The following RAB38 variants were observed in gnomAD, a reference collection of about 807,000 sequenced individuals.
RAB38 encodes the protein ras-related protein Rab-38.
Under a neutral mutation model 18.4 loss-of-function variants are expected in RAB38, and 15 were observed. The ratio of observed to expected loss-of-function variants is 0.82; its 90% CI spans 0.55 to 1.26. The LOEUF (loss-of-function observed/expected upper bound fraction) is 1.26, where lower values mean the gene tolerates loss of function less well. RAB38 is among the 50% of genes most tolerant of loss of function. The pLI, the probability that RAB38 is intolerant of heterozygous loss-of-function variation, is 0.00. For missense variants in RAB38, 294 were observed against 267.4 expected (o/e 1.10, Z -0.69); for synonymous variants, 101 against 104.4 (o/e 0.97, Z 0.20).
At chr11:88,060,920 A>C in the RAB38 span, among the ~76,000 whole-genome samples, 1 of 152,254 alleles carries the variant, frequency 6.6e-6, no homozygotes, top group Non-Finnish European at 1.5e-5. Flanking sequence ...GGATGCAAAC[A>C]TATATAAAAC....
chr11:88,103,815 C>T, the RAB38 span, among the ~76,000 whole-genome samples: 1 of 152,082 alleles, frequency 6.6e-6, no homozygotes, highest in Non-Finnish European at 1.5e-5. Context: ...GTAGAGGGTG[C>T]TAGTGAGATC....
the RAB38 span, among the ~76,000 whole-genome samples, chr11:87,810,665 T>C: frequency 6.6e-6 from 1 of 152,168 alleles, no homozygotes; most frequent in Admixed American, 6.5e-5. Flanking sequence ...TTACATTCTT[T>C]CCACTGTGGT....
the RAB38 span, among the ~76,000 whole-genome samples, chr11:87,894,074 A>T: frequency 2.0e-5 from 3 of 151,610 alleles, no homozygotes; most frequent in Admixed American, 2.0e-4. Context: ...ATTTATTTCT[A>T]TCTTATTTGA....
chr11:87,967,310 ATAAAT>A, the RAB38 span, among the ~76,000 whole-genome samples: 1 of 152,204 alleles, frequency 6.6e-6, no homozygotes, highest in East Asian at 1.9e-4. Flanking sequence ...AAACAGCTGA[ATAAAT>A]TTGAGTGGAA....
the RAB38 span, among the ~76,000 whole-genome samples, chr11:87,845,948 G>A: frequency 6.6e-6 from 1 of 152,044 alleles, no homozygotes; most frequent in East Asian, 1.9e-4. Context: ...CAGTATTGAA[G>A]GTGAGATAAA....
chr11:88,085,283 C>T, the RAB38 span, among the ~76,000 whole-genome samples: 2 of 151,836 alleles, frequency 1.3e-5, no homozygotes, highest in African/African-American at 4.8e-5. Flanking sequence ...AACTGACAGC[C>T]ATAAGGCAAG....
the RAB38 span, among the ~76,000 whole-genome samples, chr11:88,103,131 G>A: frequency 2.6e-5 from 4 of 151,948 alleles, no homozygotes; most frequent in Admixed American, 6.6e-5. Flanking sequence ...AGTATGTAGT[G>A]GCTCTGTTGT....
At chr11:88,147,293 T>C (rs535705230) in intron 2 of RAB38, among the ~76,000 whole-genome samples, 18 of 152,282 alleles carry the variant, frequency 1.2e-4, no homozygotes, top group Admixed American at 9.8e-4. Flanking sequence ...ATAATATTTA[T>C]TGACTGAATG....
At chr11:87,953,473 T>TA in the RAB38 span, among the ~76,000 whole-genome samples, 14 of 152,318 alleles carry the variant, frequency 9.2e-5, no homozygotes, top group South Asian at 1.4e-3. Flanking sequence ...AACTGTGGTC[T>TA]GAAAATAGGT....
At chr11:87,910,563 G>A in the RAB38 span, among the ~76,000 whole-genome samples, 1 of 145,988 alleles carries the variant, frequency 6.8e-6, no homozygotes, top group African/African-American at 2.6e-5. Flanking sequence ...TTTGTCCTAT[G>A]TTTACGTCTA....
At chr11:87,893,390 A>ATATTTTTTT in the RAB38 span, among the ~76,000 whole-genome samples, 1 of 93,916 alleles carries the variant, frequency 1.1e-5, no homozygotes, top group South Asian at 4.0e-4. Context: ...ATATATATAT[A>ATATTTTTTT]TTTTTTTTTT....
chr11:87,971,997 A>C, the RAB38 span, among the ~76,000 whole-genome samples: 2 of 151,840 alleles, frequency 1.3e-5, no homozygotes, highest in African/African-American at 4.8e-5. Flanking sequence ...TGGTAGATGG[A>C]GTGTAGACAC....
the RAB38 span, among the ~76,000 whole-genome samples, chr11:87,888,504 C>T: frequency 6.6e-6 from 1 of 151,916 alleles, no homozygotes; most frequent in Non-Finnish European, 1.5e-5. Flanking sequence ...CCTCAGTTCT[C>T]TCATTCTAGG....
At chr11:88,031,927 T>A in the RAB38 span, among the ~76,000 whole-genome samples, 2 of 151,732 alleles carry the variant, frequency 1.3e-5, no homozygotes, top group African/African-American at 4.8e-5. Flanking sequence ...GCCAAGTCAA[T>A]CCTAAGCCAA....
At chr11:88,167,829 T>C (rs543622177) in intron 1 of RAB38, 1 of 152,276 alleles carries the variant, frequency 6.6e-6, no homozygotes, top group Admixed American at 6.5e-5. Flanking sequence ...TTCACCATCC[T>C]AGAAGATAAG....
chr11:87,808,770 G>C, the RAB38 span, among the ~76,000 whole-genome samples: 1 of 151,790 alleles, frequency 6.6e-6, no homozygotes, highest in South Asian at 2.1e-4. Context: ...TGTTTTACTT[G>C]ATAAATACAT....
chr11:88,024,524 C>A, the RAB38 span, among the ~76,000 whole-genome samples: 1 of 152,132 alleles, frequency 6.6e-6, no homozygotes, highest in South Asian at 2.1e-4. Context: ...CCAGCAATTC[C>A]GTTGCTGGGT....
the RAB38 span, among the ~76,000 whole-genome samples, chr11:87,910,735 G>C: frequency 6.9e-6 from 1 of 145,424 alleles, no homozygotes; most frequent in Non-Finnish European, 1.5e-5. Flanking sequence ...TCGACTCCCT[G>C]GTTCAAGTGA....
chr11:88,030,294 C>T, the RAB38 span, among the ~76,000 whole-genome samples: 1 of 152,138 alleles, frequency 6.6e-6, no homozygotes, highest in African/African-American at 2.4e-5. Flanking sequence ...CTAAAATTGT[C>T]AACCTAACAT....
Sources: gnomAD v4.1 joint callset for allele counts (sites outside exome capture counted in the v4.1 genomes callset) on GRCh38, gnomAD v4.1.1 for gene constraint, MANE v1.5 for transcripts, NCBI Gene and HGNC (gene_info 2026-07-23, HGNC 2026-07-21) for gene names.